TMED8: variants seen among roughly 807,000 people sequenced by gnomAD.
The protein encoded by TMED8 is protein TMED8.
In TMED8, 15 loss-of-function variants were observed where a neutral mutation model predicts 32.7. The ratio of observed to expected loss-of-function variants is 0.46; its 90% CI spans 0.31 to 0.71. The LOEUF (loss-of-function observed/expected upper bound fraction) is 0.71, where lower values mean the gene tolerates loss of function less well. Among genes scored for constraint, TMED8 ranks in the 30% least tolerant of loss-of-function variants. TMED8 has a pLI of 0.06. For missense variants in TMED8, 390 were observed against 423.9 expected (o/e 0.92, Z 0.70); for synonymous variants, 147 against 161.4 (o/e 0.91, Z 0.68).
Position 77,338,383 on chromosome 14 carries a change from G to C in TMED8, c.*3388C>G, listed in dbSNP as rs1892815497. On this transcript the variant is annotated 3_prime_UTR_variant, in exon 6 of 6. Transcript: ENST00000216468. ...GCCTAAAAAGAAAAATTCATCATCTGTTCTCTCTGAAGCCTGCTACCTGGA... is the reference window on the plus strand; with the variant it reads ...GCCTAAAAAGAAAAATTCATCATCTCTTCTCTCTGAAGCCTGCTACCTGGA... 6.6e-6 allele frequency: 1 copy of C among 152,210 alleles called. No individual in the cohort carries two copies. The highest frequency in any genetic ancestry group is 2.4e-5 in the African/African-American group (1 of 41,450). 9.4% of individuals were successfully genotyped at this position (152,210 alleles called of 1,614,324 possible).
intron 1 of TMED8, among the ~76,000 whole-genome samples, chr14:77,375,245 C>G (rs79652693): frequency 6.6e-6 from 1 of 151,910 alleles, no homozygotes; most frequent in African/African-American, 2.4e-5. Context: ...AAAATTATCA[C>G]CCTGCATTCT....
In TMED8 at chr14:77,336,732, T is replaced by C. The variant is rs1390349576; in HGVS notation, c.*5039A>G. ...AAGCAGCACAAAACGGTGTAACTTA[T>C]GCCCCTCCCTTATGCTCCACTAAAA... On this transcript the variant is annotated 3_prime_UTR_variant, in exon 6 of 6. Transcript: ENST00000216468. The C allele has an allele frequency of 6.6e-6, 1 of 152,150 alleles. No homozygotes were observed. The highest frequency in any genetic ancestry group is 1.9e-4 in the East Asian group (1 of 5,190). The allele number at this position is 152,150 out of a possible 1,614,324, so 9.4% of individuals were successfully genotyped here. A position where few individuals can be genotyped will look rare whatever the true frequency, so the allele number is the denominator to read the frequency against.
At chr14:77,342,086 G>C (rs1310372287) in intron 5 of TMED8, 98 bp from the exon 6 acceptor site, 6 of 950,522 alleles carry the variant, frequency 6.3e-6, no homozygotes, top group Non-Finnish European at 1.6e-6. Context: ...ACAGAGCGGG[G>C]AGATTATTGC....
At position 77,338,933 on chromosome 14, in the gene TMED8, T is replaced by G. The variant is rs936066781; in HGVS notation, c.*2838A>C. The G allele has an allele frequency of 1.3e-5, 2 of 152,258 alleles. No individual in the cohort carries two copies. The highest frequency in any genetic ancestry group is 4.8e-5 in the African/African-American group (2 of 41,466). The allele number at this position is 152,258 out of a possible 1,614,324, so 9.4% of individuals were successfully genotyped here. ...AAGAAATTTAAGAACTCAGTCACTA[T>G]AGAGAATTCCAATCTCTCTCCTACT... On this transcript the variant is annotated 3_prime_UTR_variant, in exon 6 of 6. Transcript: ENST00000216468.
chr14:77,355,476 G>A (rs113633176), intron 1 of TMED8, among the ~76,000 whole-genome samples: 35 of 152,256 alleles, frequency 2.3e-4, no homozygotes, highest in African/African-American at 7.7e-4. Flanking sequence ...GATTACAGGC[G>A]TGACCCACCA....
Position 77,336,999 on chromosome 14 carries a change from G to C in TMED8, c.*4772C>G, listed in dbSNP as rs989002935. 1 of 152,138 alleles carries C rather than the reference G, an allele frequency of 6.6e-6. No individual in the cohort carries two copies. Among genetic ancestry groups the C allele is most frequent in the African/African-American group, 2.4e-5 (1 of 41,424 alleles). The allele number at this position is 152,138 out of a possible 1,614,324, so 9.4% of individuals were successfully genotyped here. On this transcript the variant is annotated 3_prime_UTR_variant, in exon 6 of 6. Transcript: ENST00000216468. The stretch of plus-strand genomic sequence containing the variant: ...TAATTCTACTGCTTAATATAAGACA[G>C]CGTTCAGATTTCACTCTTCCATATA...
chr14:77,346,310 G>A, intron 3 of TMED8, 39 bp downstream of exon 3: 2 of 1,607,488 alleles, frequency 1.2e-6, no homozygotes, highest in Admixed American at 3.4e-5. Flanking sequence ...ACATTCTGGT[G>A]CCTCCTTTCA....
chr14:77,347,293 G>A (rs1456162234), intron 2 of TMED8, among the ~76,000 whole-genome samples: 2 of 152,214 alleles, frequency 1.3e-5, no homozygotes, highest in Non-Finnish European at 2.9e-5. Context: ...ACAAAATGAT[G>A]ATCAAGGCAA....
intron 1 of TMED8, among the ~76,000 whole-genome samples, chr14:77,358,320 G>A (rs78751319): frequency 7.2e-6 from 1 of 138,924 alleles, no homozygotes; most frequent in African/African-American, 2.7e-5. Flanking sequence ...TTTTTTTTTT[G>A]AGACGGAGTC....
intron 5 of TMED8, among the ~76,000 whole-genome samples, chr14:77,342,383 T>G (rs1350409367): frequency 6.6e-6 from 1 of 152,140 alleles, no homozygotes; most frequent in East Asian, 1.9e-4. Context: ...GTGAAAGGAC[T>G]AGCTAACGAA....
At chr14:77,375,581 GA>G (rs1017826604) in intron 1 of TMED8, among the ~76,000 whole-genome samples, 39 of 152,158 alleles carry the variant, frequency 2.6e-4, no homozygotes, top group African/African-American at 9.2e-4. Context: ...GAGTTCGTAA[GA>G]AAAAAAGGCA....
chr14:77,336,790 A>T lies in TMED8; in HGVS notation c.*4981T>A, dbSNP rs1028389581. The T allele has an allele frequency of 1.3e-5, 2 of 152,170 alleles. No homozygotes were observed. The highest frequency in any genetic ancestry group is 2.9e-5 in the Non-Finnish European group (2 of 68,042). The allele number at this position is 152,170 out of a possible 1,614,324, so 9.4% of individuals were successfully genotyped here. A position where few individuals can be genotyped will look rare whatever the true frequency, so the allele number is the denominator to read the frequency against. On this transcript the variant is annotated 3_prime_UTR_variant, in exon 6 of 6. Transcript: ENST00000216468. ...CTTATGTAAATATTAGGGTCACTCA[A>T]TTCCACACCTTAGAACCACTGGGGT...
At chr14:77,346,760 G>GTTTTT in intron 2 of TMED8, among the ~76,000 whole-genome samples, 9 of 69,454 alleles carry the variant, frequency 1.3e-4, no homozygotes, top group East Asian at 6.7e-4. Flanking sequence ...TGCTGGTCTG[G>GTTTTT]TTTTTTTTTT....
intron 1 of TMED8, among the ~76,000 whole-genome samples, chr14:77,354,863 A>T (rs1893256425): frequency 1.3e-5 from 2 of 152,162 alleles, no homozygotes; most frequent in Middle Eastern, 3.4e-3. Flanking sequence ...CTGAGGCAGG[A>T]GAATCACTTG....
chr14:77,349,106 C>CT (rs33964835), intron 2 of TMED8, among the ~76,000 whole-genome samples: 7,219 of 91,816 alleles, frequency 0.079, 637 homozygotes, highest in African/African-American at 0.14. Flanking sequence ...CTCTAAGGCC[C>CT]TTTTTTTTTT....
At chr14:77,372,638 G>A (rs1893697984) in intron 1 of TMED8, among the ~76,000 whole-genome samples, 1 of 151,914 alleles carries the variant, frequency 6.6e-6, no homozygotes, top group Admixed American at 6.6e-5. Context: ...CTCAGATTGT[G>A]CACCTTTGGT....
chr14:77,342,959 A>G (rs909187648), intron 5 of TMED8, among the ~76,000 whole-genome samples: 1 of 152,116 alleles, frequency 6.6e-6, no homozygotes, highest in Non-Finnish European at 1.5e-5. Context: ...TGGGAAAACA[A>G]TGAGGTACCG....
chr14:77,362,260 G>A (rs774323946), intron 1 of TMED8, among the ~76,000 whole-genome samples: 1 of 151,726 alleles, frequency 6.6e-6, no homozygotes, highest in Non-Finnish European at 1.5e-5. Context: ...GAAGTGATGA[G>A]AGTGGTCATC....
At chr14:77,364,658 G>A (rs1380848517) in intron 1 of TMED8, among the ~76,000 whole-genome samples, 1 of 152,132 alleles carries the variant, frequency 6.6e-6, no homozygotes, top group South Asian at 2.1e-4. Context: ...CTCCCAAGTA[G>A]CTGAGAATAC....
Sources: allele counts gnomAD v4.1 joint callset (sites outside exome capture counted in the v4.1 genomes callset), GRCh38; gene constraint gnomAD v4.1.1; transcripts MANE v1.5; gene names NCBI Gene and HGNC (gene_info 2026-07-23, HGNC 2026-07-21).